Variants in TBC1D22A observed in about 807,000 individuals in gnomAD.
TBC1D22A encodes the protein TBC1 domain family member 22A.
Under a neutral mutation model 60.2 loss-of-function variants are expected in TBC1D22A, and 38 were observed. The ratio of observed to expected loss-of-function variants is 0.63; its 90% CI spans 0.49 to 0.83. TBC1D22A has a LOEUF of 0.83. Ranked by LOEUF, TBC1D22A falls within the 40% of genes least tolerant of loss-of-function variation. The pLI is 0.00. For synonymous variants in TBC1D22A, 302 were observed against 281.7 expected, an observed-to-expected ratio of 1.07 and a Z score of -0.72; for missense variants, 628 against 701.0, an observed-to-expected ratio of 0.90 and a Z score of 1.18.
At chr22:47,053,799 CT>C (rs1008574509) in intron 11 of TBC1D22A, among the ~76,000 whole-genome samples, 51 of 152,382 alleles carry the variant, frequency 3.3e-4, no homozygotes, top group African/African-American at 1.2e-3. Context: ...CGCGTGCTGC[CT>C]TGTGGACTCA....
intron 12 of TBC1D22A, among the ~76,000 whole-genome samples, chr22:47,118,254 C>G (rs2066141841): frequency 1.3e-5 from 2 of 152,062 alleles, no homozygotes; most frequent in African/African-American, 2.4e-5. Flanking sequence ...GGAATACTTA[C>G]AAAAAGTAAT....
intron 4 of TBC1D22A, among the ~76,000 whole-genome samples, chr22:46,832,372 C>T (rs759817300): frequency 5.9e-5 from 9 of 152,220 alleles, no homozygotes; most frequent in Admixed American, 3.9e-4. Context: ...TGGCTGGGGC[C>T]GGGCGCAGTG....
At chr22:46,946,602 G>A (rs2072559683) in intron 8 of TBC1D22A, among the ~76,000 whole-genome samples, 2 of 152,224 alleles carry the variant, frequency 1.3e-5, no homozygotes, top group Admixed American at 6.5e-5. Context: ...GGGCCTCTGG[G>A]ACTGTGCTTG....
At chr22:46,837,338 C>G (rs2086568047) in intron 4 of TBC1D22A, among the ~76,000 whole-genome samples, 1 of 152,110 alleles carries the variant, frequency 6.6e-6, no homozygotes, top group South Asian at 2.1e-4. Context: ...GATCAATCAT[C>G]CAGACAGAAA....
intron 10 of TBC1D22A, among the ~76,000 whole-genome samples, chr22:47,025,167 G>A (rs780827010): frequency 4.3e-4 from 66 of 152,314 alleles, no homozygotes; most frequent in Middle Eastern, 3.4e-3. Context: ...GTCACTGAAG[G>A]AGATTTTGAG....
intron 9 of TBC1D22A, among the ~76,000 whole-genome samples, chr22:46,989,057 G>A (rs1035966734): frequency 2.0e-5 from 3 of 152,160 alleles, no homozygotes; most frequent in South Asian, 4.1e-4. Flanking sequence ...CTATGGAGAC[G>A]GCTTCTTTCC....
intron 11 of TBC1D22A, among the ~76,000 whole-genome samples, chr22:47,075,606 T>C (rs1320273351): frequency 6.6e-6 from 1 of 152,136 alleles, no homozygotes. Context: ...GAAGAAAACC[T>C]TGATCAATAC....
chr22:47,018,878 T>C (rs945393290), intron 10 of TBC1D22A, among the ~76,000 whole-genome samples: 5 of 149,118 alleles, frequency 3.4e-5, no homozygotes, highest in Non-Finnish European at 7.4e-5. Flanking sequence ...AGGAATTCAG[T>C]ATGTGGCATA....
chr22:47,012,836 A>AG (rs1240445537), intron 10 of TBC1D22A, among the ~76,000 whole-genome samples: 2 of 152,194 alleles, frequency 1.3e-5, no homozygotes, highest in Non-Finnish European at 2.9e-5. Flanking sequence ...CTACGTTAGA[A>AG]GACGGGACAT....
At chr22:47,023,343 CAG>C (rs1569349703) in intron 10 of TBC1D22A, among the ~76,000 whole-genome samples, 1 of 152,106 alleles carries the variant, frequency 6.6e-6, no homozygotes, top group Non-Finnish European at 1.5e-5. Context: ...AAAAAATGAA[CAG>C]AGTCAGTGAA....
At chr22:47,042,040 T>C (rs2062862279) in intron 11 of TBC1D22A, among the ~76,000 whole-genome samples, 1 of 152,258 alleles carries the variant, frequency 6.6e-6, no homozygotes, top group African/African-American at 2.4e-5. Flanking sequence ...GCTGTTCACA[T>C]TCTGGGCTTT....
chr22:47,020,183 G>A (rs1330853734), intron 10 of TBC1D22A, among the ~76,000 whole-genome samples: 1 of 152,168 alleles, frequency 6.6e-6, no homozygotes, highest in East Asian at 1.9e-4. Flanking sequence ...CTTATGGGAG[G>A]AACAGCCTTG....
At chr22:47,152,209 G>A (rs1230849428) in intron 12 of TBC1D22A, among the ~76,000 whole-genome samples, 1 of 152,226 alleles carries the variant, frequency 6.6e-6, no homozygotes, top group Non-Finnish European at 1.5e-5. Context: ...TTTGTCCTCA[G>A]GTTGGGTTGA....
intron 12 of TBC1D22A, among the ~76,000 whole-genome samples, chr22:47,155,007 G>T (rs1238685060): frequency 6.6e-6 from 1 of 152,192 alleles, no homozygotes; most frequent in African/African-American, 2.4e-5. Flanking sequence ...CAGCATCTTG[G>T]CCCCAAACAC....
Position 47,095,641 on chromosome 22 carries a change from T to A in TBC1D22A, c.1330-15867T>A, listed in dbSNP as rs2337231. 2.6e-5 allele frequency among the ~76,000 whole-genome samples: 4 copies of A among 152,078 alleles called. No homozygotes were observed. In the East Asian group the frequency reaches 7.7e-4, roughly 29 times the overall value. On this transcript the variant is annotated intron_variant, in intron 11 of 12. Coordinates refer to ENST00000337137, the MANE Select transcript of TBC1D22A (RefSeq NM_014346.5). ...ATTTCCCCGTCTCCCAACTGGGAAC[T>A]GAAGGAGAGGAGCAGCTCGGCTCTG...
chr22:47,025,829 G>A (rs1040883365), intron 10 of TBC1D22A, among the ~76,000 whole-genome samples: 1 of 152,198 alleles, frequency 6.6e-6, no homozygotes, highest in Non-Finnish European at 1.5e-5. Context: ...GTCAGACGAG[G>A]CTGTGCTAAG....
At chr22:47,063,705 G>A (rs2063661119) in intron 11 of TBC1D22A, among the ~76,000 whole-genome samples, 1 of 152,176 alleles carries the variant, frequency 6.6e-6, no homozygotes, top group South Asian at 2.1e-4. Context: ...AGGCCTGAGA[G>A]TTCTGGAATT....
intron 12 of TBC1D22A, among the ~76,000 whole-genome samples, chr22:47,136,103 G>A (rs750980487): frequency 2.0e-5 from 3 of 152,254 alleles, no homozygotes; most frequent in Non-Finnish European, 4.4e-5. Flanking sequence ...AGGGAAGTGA[G>A]GCACGATGGT....
chr22:46,811,208 G>T (rs1286266778), intron 4 of TBC1D22A, among the ~76,000 whole-genome samples: 1 of 152,220 alleles, frequency 6.6e-6, no homozygotes, highest in Non-Finnish European at 1.5e-5. Flanking sequence ...GCCTGTCCGT[G>T]GCCTGGTCAG....
Sources: allele counts gnomAD v4.1 joint callset (sites outside exome capture counted in the v4.1 genomes callset), GRCh38; gene constraint gnomAD v4.1.1; transcripts MANE v1.5; gene names NCBI Gene and HGNC (gene_info 2026-07-23, HGNC 2026-07-21).